The following KTN1 variants were observed in gnomAD, a reference collection of about 807,000 sequenced individuals.
KTN1 encodes the protein kinectin.
A neutral mutation model predicts 222.5 loss-of-function variants in KTN1; 130 were observed. The observed-to-expected ratio is 0.58, with a 90% confidence interval of 0.51 to 0.68. The LOEUF is 0.68. Ranked by LOEUF, KTN1 falls within the 30% of genes least tolerant of loss-of-function variation. The pLI is 0.00. For synonymous variants in KTN1, 512 were observed against 496.3 expected (o/e 1.03, Z -0.42); for missense variants, 1,508 against 1,500.4 (o/e 1.01, Z -0.08).
intron 24 of KTN1, chr14:55,651,309 C>T (rs1173082880): frequency 4.4e-6 from 2 of 455,812 alleles, no homozygotes; most frequent in Non-Finnish European, 8.8e-6. Context: ...GGAAAGTCTT[C>T]TCCTGAGGAA....
rs563825339 is a variant in KTN1, at chr14:55,604,511, T to G, written c.-30-7508T>G. Among the ~76,000 whole-genome samples, 3 of 152,304 alleles carry G rather than the reference T, an allele frequency of 2.0e-5. No individual in the cohort carries two copies. The South Asian group carries it at 6.2e-4, about 32-fold the overall frequency. On this transcript the variant is annotated intron_variant, in intron 1 of 43. Coordinates refer to ENST00000395314, the MANE Select transcript of KTN1 (RefSeq NM_001079521.2). Reference sequence around the variant, plus strand: ...AAAAAATTAAATAAAATTTAATGACTGTCCACATCTTCCTGTGCTCCCTAT... The same window carrying G: ...AAAAAATTAAATAAAATTTAATGACGGTCCACATCTTCCTGTGCTCCCTAT...
chr14:55,627,058 A>G (rs1203921718), intron 5 of KTN1, among the ~76,000 whole-genome samples: 1 of 152,150 alleles, frequency 6.6e-6, no homozygotes, highest in Non-Finnish European at 1.5e-5. Context: ...AGGGTCGTGG[A>G]GCATCTGAAT....
rs1595209992 is a variant in KTN1, at chr14:55,664,060, A to G, written c.3177+19A>G. On this transcript the variant is annotated intron_variant, in intron 33 of 43. Coordinates refer to ENST00000395314, the MANE Select transcript of KTN1 (RefSeq NM_001079521.2). Reference sequence around the variant, plus strand: ...TTCCAAGGTTGTAATGCTAACTCCTAGAAACAATCCACTGAACAGAGAAAA... The same window carrying G: ...TTCCAAGGTTGTAATGCTAACTCCTGGAAACAATCCACTGAACAGAGAAAA... 1 of 1,553,368 alleles carries G rather than the reference A, an allele frequency of 6.4e-7. No individual in the cohort carries two copies. The highest frequency in any genetic ancestry group is 8.9e-7 in the Non-Finnish European group (1 of 1,128,216).
chr14:55,609,467 G>A (rs538595824), intron 1 of KTN1, among the ~76,000 whole-genome samples: 9 of 152,214 alleles, frequency 5.9e-5, no homozygotes, highest in African/African-American at 1.7e-4. Flanking sequence ...AGAGACTCCC[G>A]TGAAAATCCA....
intron 18 of KTN1, among the ~76,000 whole-genome samples, chr14:55,645,945 A>G (rs1278835180): frequency 1.3e-5 from 2 of 152,202 alleles, no homozygotes; most frequent in African/African-American, 4.8e-5. Context: ...AAAAAATGGG[A>G]AAAAAGTAAG....
intron 34 of KTN1, among the ~76,000 whole-genome samples, chr14:55,668,954 T>G (rs1167486941): frequency 6.6e-6 from 1 of 152,110 alleles, no homozygotes; most frequent in African/African-American, 2.4e-5. Flanking sequence ...CTACCACTTT[T>G]GAGTTGAACT....
At chr14:55,609,495 T>C (rs911609861) in intron 1 of KTN1, among the ~76,000 whole-genome samples, 1 of 152,308 alleles carries the variant, frequency 6.6e-6, no homozygotes, top group Non-Finnish European at 1.5e-5. Context: ...AAAGCTTGAT[T>C]CCTTCACGCC....
chr14:55,648,078 G>A lies in KTN1; in HGVS notation c.2261G>A (p.Gly754Glu), dbSNP rs749479920. The change falls in exon 20 of 44, where the codon GGA becomes GAA. Residue 754 changes from glycine (G) to glutamate (E), a missense_variant. Gly to Glu is a moderately conservative substitution (Grantham distance 98, BLOSUM62 -2). Transcript: ENST00000395314. ...ACTGTGGAAGAATTACTTGAAACTGGACTTATTCAGGTGGCAACTAAAGAA... is the reference window on the plus strand; with the variant it reads ...ACTGTGGAAGAATTACTTGAAACTGAACTTATTCAGGTGGCAACTAAAGAA... ...LKTVEELLETGLIQVATKEEE... is the reference protein window; with the variant it reads ...LKTVEELLETELIQVATKEEE... 2 of 1,570,270 alleles carry A rather than the reference G, an allele frequency of 1.3e-6. No homozygotes were observed. Among genetic ancestry groups the A allele is most frequent in the Non-Finnish European group, 1.7e-6 (2 of 1,159,646 alleles).
chr14:55,585,131 CA>C (rs752597184), intron 1 of KTN1, among the ~76,000 whole-genome samples: 6,994 of 54,528 alleles, frequency 0.13, 89 homozygotes, highest in South Asian at 0.16. Flanking sequence ...GACTGTGTCT[CA>C]AAAAAAAAAA....
chr14:55,662,625 C>T (rs2044269736), intron 32 of KTN1, among the ~76,000 whole-genome samples: 1 of 152,138 alleles, frequency 6.6e-6, no homozygotes, highest in Non-Finnish European at 1.5e-5. Flanking sequence ...AGTGTGATTG[C>T]TAAGACTTGA....
At chr14:55,585,641 A>G (rs916856809) in intron 1 of KTN1, among the ~76,000 whole-genome samples, 16 of 152,212 alleles carry the variant, frequency 1.1e-4, no homozygotes, top group Non-Finnish European at 1.5e-5. Flanking sequence ...GGCCTTCCAA[A>G]GGATTTAATG....
In KTN1 at chr14:55,684,215, AGAGTTTT is replaced by A. The variant is rs991918328; in HGVS notation, c.*114_*120del. 1 of 817,210 alleles carries A rather than the reference AGAGTTTT, an allele frequency of 1.2e-6. No homozygotes were observed. Among genetic ancestry groups the A allele is most frequent in the African/African-American group, 1.8e-5 (1 of 57,040 alleles). 50.6% of individuals were successfully genotyped at this position (817,210 alleles called of 1,614,324 possible). On this transcript the variant is annotated 3_prime_UTR_variant, in exon 44 of 44. Transcript: ENST00000395314. ...TTCTACTTTGTCAGAAACACTGAAC[AGAGTTTT>A]GTCTTTTCTAATCCTTGTTAGACTA...
chr14:55,630,583 G>C (rs2040399256), intron 7 of KTN1, among the ~76,000 whole-genome samples: 1 of 152,080 alleles, frequency 6.6e-6, no homozygotes. Flanking sequence ...AGATTGTCTA[G>C]AGTAACTGCT....
At chr14:55,610,714 A>AC (rs138458949) in intron 1 of KTN1, among the ~76,000 whole-genome samples, 12,173 of 152,338 alleles carry the variant, frequency 0.08, 531 homozygotes, top group South Asian at 0.11. Flanking sequence ...ATTTGAGATG[A>AC]ATAAGAATAC....
At chr14:55,655,526 C>G (rs2043380294) in intron 28 of KTN1, among the ~76,000 whole-genome samples, 1 of 152,150 alleles carries the variant, frequency 6.6e-6, no homozygotes, top group South Asian at 2.1e-4. Flanking sequence ...AACAGTTAAA[C>G]ACATCATTTT....
intron 1 of KTN1, among the ~76,000 whole-genome samples, chr14:55,585,778 A>G (rs2032858899): frequency 1.3e-5 from 2 of 152,246 alleles, no homozygotes; most frequent in African/African-American, 4.8e-5. Flanking sequence ...ATGTATTTTT[A>G]CAAAGGAGGA....
At chr14:55,654,642 T>C (rs2043277919) in intron 28 of KTN1, among the ~76,000 whole-genome samples, 1 of 152,142 alleles carries the variant, frequency 6.6e-6, no homozygotes, top group Admixed American at 6.5e-5. Context: ...CAATTCTCCC[T>C]ATTAACATCT....
chr14:55,672,749 C>T (rs1027233445), intron 38 of KTN1, 48 bp downstream of exon 38: 1 of 1,283,132 alleles, frequency 7.8e-7, no homozygotes, highest in African/African-American at 1.5e-5. Context: ...TTGTTTTTAG[C>T]ATTAACGGTT....
chr14:55,607,846 T>A (rs983737740), intron 1 of KTN1, among the ~76,000 whole-genome samples: 1 of 152,140 alleles, frequency 6.6e-6, no homozygotes, highest in African/African-American at 2.4e-5. Context: ...ATAGGGATTG[T>A]GAATAGCCAA....
Sources: gnomAD v4.1 joint callset for allele counts (sites outside exome capture counted in the v4.1 genomes callset) on GRCh38, gnomAD v4.1.1 for gene constraint, MANE v1.5 for transcripts, NCBI Gene and HGNC (gene_info 2026-07-23, HGNC 2026-07-21) for gene names.